Variants in CDH23 observed in about 807,000 individuals in gnomAD.
CDH23 encodes the protein cadherin-23.
In CDH23, 189 loss-of-function variants were observed where a neutral mutation model predicts 317.1. That is an observed-to-expected ratio of 0.60 (90% CI 0.53 to 0.67). The LOEUF is 0.67. Among genes scored for constraint, CDH23 ranks in the 30% least tolerant of loss-of-function variants. The probability of loss-of-function intolerance (pLI) is 0.00; values close to 1 mark genes in which losing one functional copy is unlikely to be tolerated. For missense variants in CDH23, 4,401 were observed against 4,592.4 expected, an observed-to-expected ratio of 0.96 and a Z score of 1.20; for synonymous variants, 1,839 against 1,876.8, an observed-to-expected ratio of 0.98 and a Z score of 0.52.
At chr10:71,689,158 A>G (rs368068914) in intron 19 of CDH23, among the ~76,000 whole-genome samples, 3,033 of 19,986 alleles carry the variant, frequency 0.15, 190 homozygotes, top group African/African-American at 0.22. Context: ...GGAGTCAGGG[A>G]TGGTGGAGTC....
intron 6 of CDH23, among the ~76,000 whole-genome samples, chr10:71,525,792 C>G (rs992350951): frequency 6.6e-6 from 1 of 152,044 alleles, no homozygotes; most frequent in African/African-American, 2.4e-5. Context: ...TTGGCAGCAG[C>G]CCAGAAACCA....
At chr10:71,676,831 A>G (rs143346338) in intron 15 of CDH23, among the ~76,000 whole-genome samples, 1,732 of 152,076 alleles carry the variant, frequency 0.011, 33 homozygotes, top group African/African-American at 0.039. Flanking sequence ...GACTTTCCTC[A>G]CTCCAAGCCA....
Position 71,676,654 on chromosome 10 carries a change from G to A in CDH23, c.1515-802G>A, listed in dbSNP as rs137948590. On this transcript the variant is annotated intron_variant, in intron 15 of 69. Coordinates refer to ENST00000224721, the MANE Select transcript of CDH23 (RefSeq NM_022124.6). Reference sequence around the variant, plus strand: ...AAAAGAAGAGACAGGGAGATTGTTAGGGGCATCTGTCCATTCTCTGTCACT... The same window carrying A: ...AAAAGAAGAGACAGGGAGATTGTTAAGGGCATCTGTCCATTCTCTGTCACT... Among the ~76,000 whole-genome samples the A allele has an allele frequency of 3.3e-5, 5 of 152,304 alleles. No individual in the cohort carries two copies. In the East Asian group the frequency reaches 9.7e-4, roughly 29 times the overall value.
At position 71,677,279 on chromosome 10, in the gene CDH23, C is replaced by A. The variant is rs1227039; in HGVS notation, c.1515-177C>A. Reference sequence around the variant, plus strand: ...GTGATCCTGATCCCCGCCACCCACCCACCCCCTTTAGAAATAGCAGCTCTT... The same window carrying A: ...GTGATCCTGATCCCCGCCACCCACCAACCCCCTTTAGAAATAGCAGCTCTT... On this transcript the variant is annotated intron_variant, in intron 15 of 69. Transcript: ENST00000224721. Among the ~76,000 whole-genome samples the A allele has an allele frequency of 0.25, 38,347 of 151,818 alleles. 5,353 individuals are homozygous for A. Among genetic ancestry groups the A allele is most frequent in the East Asian group, 0.37 (1,922 of 5,162 alleles).
At position 71,812,810 on chromosome 10, in the gene CDH23, G is replaced by A. The variant is rs2133008094; in HGVS notation, c.9553G>A (p.Asp3185Asn). 1 of 1,613,462 alleles carries A rather than the reference G, an allele frequency of 6.2e-7. No homozygotes were observed. The highest frequency in any genetic ancestry group is 8.5e-7 in the Non-Finnish European group (1 of 1,179,618). The change falls in exon 68 of 70, where the codon GAC (aspartate) becomes AAC (asparagine). Residue 3185 changes from aspartate to asparagine, a missense_variant. Transcript: ENST00000224721. ...GCCAGCAGCTGTCAAGCCTGATGAT[G>A]ACCGATACCTGCGGGCTGCCATCCA... ...REPAAVKPDD[D>N]RYLRAAIQEY...
intron 6 of CDH23, among the ~76,000 whole-genome samples, chr10:71,520,943 G>A (rs928680576): frequency 6.6e-6 from 1 of 152,058 alleles, no homozygotes; most frequent in Non-Finnish European, 1.5e-5. Context: ...ACGAGACAGA[G>A]CGAGCTTTGG....
intron 57 of CDH23, among the ~76,000 whole-genome samples, chr10:71,806,920 T>G (rs958133364): frequency 6.6e-6 from 1 of 152,230 alleles, no homozygotes; most frequent in African/African-American, 2.4e-5. Context: ...GGGCCCCTCC[T>G]GTGGACTCCA....
intron 28 of CDH23, chr10:71,714,317 C>T (rs772201465): frequency 1.3e-5 from 2 of 152,086 alleles, no homozygotes; most frequent in African/African-American, 2.4e-5. Flanking sequence ...GGCTGGGCCA[C>T]GCTTCACTCT....
intron 9 of CDH23, among the ~76,000 whole-genome samples, chr10:71,587,220 T>A (rs915997171): frequency 6.6e-6 from 1 of 152,174 alleles, no homozygotes; most frequent in Admixed American, 6.5e-5. Context: ...AAAACTCACA[T>A]TTTTTTTCCT....
At position 71,669,366 on chromosome 10, in the gene CDH23, T is replaced by C. The variant is rs558648066; in HGVS notation, c.1450-5746T>C. On this transcript the variant is annotated intron_variant, in intron 14 of 69. Coordinates refer to ENST00000224721, the MANE Select transcript of CDH23 (RefSeq NM_022124.6). ...GTGACCTTCAAGCCCACTTTCAGCC[T>C]TGTTTTCCTCGTAGTTCTTACCATT... is the stretch of plus-strand genomic sequence containing the variant. Among the ~76,000 whole-genome samples the C allele has an allele frequency of 1.2e-4, 18 of 152,346 alleles. 1 individual carries two copies. The South Asian group carries it at 2.9e-3, about 25-fold the overall frequency.
intron 1 of CDH23, among the ~76,000 whole-genome samples, chr10:71,403,360 T>TTTCC (rs1847891109): frequency 9.8e-6 from 1 of 101,866 alleles, no homozygotes; most frequent in Non-Finnish European, 1.8e-5. Context: ...TCTTTCTTTC[T>TTTCC]TTCTTTCTTT....
In CDH23 at chr10:71,754,046, T is replaced by C. The variant is rs1840071910; in HGVS notation, c.4845+12125T>C. 2.6e-5 allele frequency among the ~76,000 whole-genome samples: 4 copies of C among 152,178 alleles called. No individual in the cohort carries two copies. The South Asian group carries it at 8.3e-4, about 32-fold the overall frequency. ...TCCAGCAAACTGCCGTCCTCAAGGC[T>C]CCCAGCCCTTTCCTTTTCTTTTTTT... On this transcript the variant is annotated intron_variant, in intron 38 of 69. Transcript: ENST00000224721.
intron 38 of CDH23, among the ~76,000 whole-genome samples, chr10:71,775,641 A>G (rs922724533): frequency 2.6e-5 from 4 of 151,980 alleles, no homozygotes; most frequent in African/African-American, 9.7e-5. Flanking sequence ...CTCCGAGACC[A>G]GAGGAAGTCA....
intron 3 of CDH23, 50 bp downstream of exon 3, chr10:71,446,445 C>T: frequency 2.6e-6 from 4 of 1,541,622 alleles, no homozygotes; most frequent in Non-Finnish European, 3.6e-6. Context: ...GGGGTGCAAT[C>T]CCTTCCCACA....
intron 9 of CDH23, among the ~76,000 whole-genome samples, chr10:71,599,544 T>C (rs1860080256): frequency 6.6e-6 from 1 of 152,164 alleles, no homozygotes; most frequent in Non-Finnish European, 1.5e-5. Context: ...TGGGGGGTGA[T>C]TTTAAGATAA....
At chr10:71,629,116 C>A (rs1861887759) in intron 11 of CDH23, among the ~76,000 whole-genome samples, 1 of 152,182 alleles carries the variant, frequency 6.6e-6, no homozygotes, top group Non-Finnish European at 1.5e-5. Context: ...TTCCTTCATT[C>A]ATTCAACAAA....
chr10:71,754,008 A>C (rs963959493), intron 38 of CDH23, among the ~76,000 whole-genome samples: 2 of 152,138 alleles, frequency 1.3e-5, no homozygotes, highest in Non-Finnish European at 2.9e-5. Context: ...GGAAATCCAC[A>C]CCTGTTGGCC....
At chr10:71,424,305 A>G (rs992205272) in intron 1 of CDH23, among the ~76,000 whole-genome samples, 8 of 152,336 alleles carry the variant, frequency 5.3e-5, no homozygotes, top group African/African-American at 1.9e-4. Flanking sequence ...AGCTCTCAGG[A>G]GCCCAAAGCT....
At chr10:71,470,603 T>C (rs1052587612) in intron 3 of CDH23, among the ~76,000 whole-genome samples, 9 of 151,874 alleles carry the variant, frequency 5.9e-5, no homozygotes, top group Admixed American at 2.0e-4. Flanking sequence ...AGTCCTTCCA[T>C]ATCAGCCTCC....
Sources: allele counts gnomAD v4.1 joint callset (sites outside exome capture counted in the v4.1 genomes callset), GRCh38; gene constraint gnomAD v4.1.1; transcripts MANE v1.5; gene names NCBI Gene and HGNC (gene_info 2026-07-23, HGNC 2026-07-21).